Variants in ENOSF1 observed in about 807,000 individuals in gnomAD.
The protein encoded by ENOSF1 is mitochondrial enolase superfamily member 1.
ENOSF1 carries 73 observed loss-of-function variants against 68.2 expected under a neutral mutation model. That is an observed-to-expected ratio of 1.07 (90% confidence interval 0.89 to 1.30). The LOEUF (loss-of-function observed/expected upper bound fraction) is 1.30, where lower values mean the gene tolerates loss of function less well. ENOSF1 is among the 50% of genes most tolerant of loss of function. The pLI is 0.00. For missense variants in ENOSF1, 589 were observed against 554.5 expected (o/e 1.06, Z -0.62); for synonymous variants, 223 against 210.4 (o/e 1.06, Z -0.52).
intron 5 of ENOSF1, chr18:692,824 G>A (rs1429808782): frequency 1.3e-5 from 14 of 1,048,580 alleles, no homozygotes; most frequent in African/African-American, 1.7e-5. Flanking sequence ...CGGATGGCCC[G>A]GAAGCCACTC....
downstream of ENOSF1, among the ~76,000 whole-genome samples, chr18:668,313 A>C (rs1322972421): frequency 1.3e-5 from 2 of 152,222 alleles, no homozygotes; most frequent in African/African-American, 4.8e-5. Flanking sequence ...CTACTGAACC[A>C]GAATATAGTC....
chr18:688,634 A>G, intron 8 of ENOSF1, 26 bp from the exon 9 acceptor site: 1 of 1,608,286 alleles, frequency 6.2e-7, no homozygotes, highest in Non-Finnish European at 8.5e-7. Context: ...ACAGGGTCAC[A>G]CACTGGAGAG....
rs372150523 is a variant in ENOSF1 at position 676,347 on chromosome 18, T to A, written c.1149-945A>T. On this transcript the variant is annotated intron_variant, in intron 14 of 15. Transcript: ENST00000647584. The stretch of plus-strand genomic sequence containing the variant: ...GGCAGCAGGGCCTGCTGGGAGGTGA[T>A]TGGATCATGGGAAGTGGTCCTTCAT... 2.6e-4 allele frequency among the ~76,000 whole-genome samples: 39 copies of A among 152,250 alleles called. 1 individual carries two copies. In the South Asian group the frequency reaches 6.0e-3, roughly 24 times the overall value.
Position 697,425 on chromosome 18 carries a change from CACAA to C in ENOSF1, c.194-74_194-71del, listed in dbSNP as rs563869774. 372 of 1,126,706 alleles carry C rather than the reference CACAA, an allele frequency of 3.3e-4. 7 individuals carry two copies. In the South Asian group the frequency reaches 4.2e-3, roughly 13 times the overall value. 69.8% of individuals were successfully genotyped at this position (1,126,706 alleles called of 1,614,324 possible). ...TCAAGAAATTAGCACCTGAAAACAT[CACAA>C]ACAAACAAATGTGAAAGTTTTATGA... On this transcript the variant is annotated intron_variant, in intron 2 of 15. Coordinates refer to ENST00000647584, the MANE Select transcript of ENOSF1 (RefSeq NM_017512.7).
intron 2 of ENOSF1, among the ~76,000 whole-genome samples, chr18:704,623 T>TTG (rs2078736177): frequency 6.7e-6 from 1 of 149,574 alleles, no homozygotes; most frequent in African/African-American, 2.5e-5. Flanking sequence ...TTTTTTTTTT[T>TTG]GGGATGGAGT....
At position 677,371 on chromosome 18, in the gene ENOSF1, T is replaced by C. The variant is rs1470643048; in HGVS notation, c.1122A>G (p.Ile374Met). 1 of 1,613,794 alleles carries C rather than the reference T, an allele frequency of 6.2e-7. No individual in the cohort carries two copies. The highest frequency in any genetic ancestry group is 8.5e-7 in the Non-Finnish European group (1 of 1,179,944). ...TATTTTCAAGGCTTGCAGAAACTGATATGTAGTCAAATATAATCAGGTGCT... is the reference window on the plus strand; with the variant it reads ...TATTTTCAAGGCTTGCAGAAACTGACATGTAGTCAAATATAATCAGGTGCT... ...LVQHLIIFDY[I>M]SVSASLENRV... Residue 374 changes from isoleucine to methionine, a missense_variant, in exon 14 of 16, where the codon ATA (isoleucine) becomes ATG (methionine). Physicochemically the swap from Ile to Met is conservative, Grantham distance 10. Transcript: ENST00000647584.
intron 14 of ENOSF1, among the ~76,000 whole-genome samples, 189 bp downstream of exon 14, chr18:677,156 T>C (rs2075595734): frequency 6.6e-6 from 1 of 152,150 alleles, no homozygotes; most frequent in African/African-American, 2.4e-5. Context: ...CCAGACCCTA[T>C]CTTAGGAGGC....
chr18:689,790 T>C (rs947048017), intron 8 of ENOSF1, among the ~76,000 whole-genome samples: 15 of 152,176 alleles, frequency 9.9e-5, no homozygotes, highest in African/African-American at 3.6e-4. Context: ...GAGAGAGCCC[T>C]GCTGAGGTCC....
At chr18:696,336 T>C (rs1317245430) in intron 3 of ENOSF1, among the ~76,000 whole-genome samples, 4 of 151,328 alleles carry the variant, frequency 2.6e-5, no homozygotes, top group Non-Finnish European at 4.4e-5. Context: ...CTCAGCCTCC[T>C]GAGTAACTGG....
At chr18:695,150 CTCT>C (rs1346615401) in intron 3 of ENOSF1, among the ~76,000 whole-genome samples, 1 of 152,154 alleles carries the variant, frequency 6.6e-6, no homozygotes, top group Non-Finnish European at 1.5e-5. Context: ...CCTCTTTAGT[CTCT>C]TTTTACCTGG....
At chr18:668,149 G>A (rs148235072), downstream of ENOSF1, among the ~76,000 whole-genome samples, 24 of 152,100 alleles carry the variant, frequency 1.6e-4, no homozygotes, top group East Asian at 3.3e-3. Flanking sequence ...ACTTGTGTAT[G>A]TGTGTATTTG....
chr18:704,301 T>C (rs982240104), intron 2 of ENOSF1, among the ~76,000 whole-genome samples: 8 of 151,740 alleles, frequency 5.3e-5, no homozygotes, highest in African/African-American at 1.9e-4. Flanking sequence ...TGGTGGTGTG[T>C]GCCTGTAATC....
chr18:682,072 C>G (rs2076132100), intron 11 of ENOSF1, among the ~76,000 whole-genome samples: 1 of 152,152 alleles, frequency 6.6e-6, no homozygotes, highest in Non-Finnish European at 1.5e-5. Context: ...GAGTGTATAG[C>G]TATGCAAAGT....
chr18:673,063 A>C lies in ENOSF1; in HGVS notation c.*1242T>G. 6 of 1,434,354 alleles carry C rather than the reference A, an allele frequency of 4.2e-6. No individual in the cohort carries two copies. The highest frequency in any genetic ancestry group is 5.6e-6 in the Non-Finnish European group (6 of 1,076,706). 88.9% of individuals were successfully genotyped at this position (1,434,354 alleles called of 1,614,324 possible). On this transcript the variant is annotated 3_prime_UTR_variant, in exon 16 of 16. Transcript: ENST00000647584. ...GGGGTTGGGCTGGATGCCGAGGTAA[A>C]AGTTCTTTTTGCTCTAAAAGAAAAA...
chr18:693,890 C>A lies in ENOSF1; in HGVS notation c.415G>T (p.Val139Leu). Residue 139 changes from valine to leucine, a missense_variant, in exon 5 of 16, where the codon GTG (valine) becomes TTG (leucine). Transcript: ENST00000647584. Reference protein sequence around the residue: ...QEGKPVWKLLVDMDPRMLVSC... With the variant: ...QEGKPVWKLLLDMDPRMLVSC... ...TTAACAATGCTACTCACCATGTCCA[C>A]AAGTAACTTCCAGACAGGCTTGAAG... is the stretch of plus-strand genomic sequence containing the variant. The A allele has an allele frequency of 6.2e-7, 1 of 1,614,052 alleles. No individual in the cohort carries two copies.
downstream of ENOSF1, chr18:667,597 ATGGTGATGGTGATGGAGATGGGTGATGG>A (rs1598470361): frequency 1.9e-5 from 2 of 104,012 alleles, no homozygotes; most frequent in East Asian, 3.9e-4. Context: ...GGTGATGGTG[ATGGTGATGGTGATGGAGATGGGTGATGG>A]TGATGGTTGC....
intron 5 of ENOSF1, chr18:693,249 C>T: frequency 7.8e-7 from 1 of 1,288,866 alleles, no homozygotes; most frequent in Non-Finnish European, 1.0e-6. Flanking sequence ...AGCTCCTTCC[C>T]TGCTGGAATT....
chr18:674,067 C>G lies in ENOSF1; in HGVS notation c.*238G>C, dbSNP rs1020706025. On this transcript the variant is annotated 3_prime_UTR_variant, in exon 16 of 16. Coordinates refer to ENST00000647584, the MANE Select transcript of ENOSF1 (RefSeq NM_017512.7). ...GATATAGCTATTTTTGTAAGAACAT[C>G]CTCCTGGACTTTGGGTTAGTTAAAT... 1 of 355,456 alleles carries G rather than the reference C, an allele frequency of 2.8e-6. No individual in the cohort carries two copies. The highest frequency in any genetic ancestry group is 5.1e-6 in the Non-Finnish European group (1 of 197,794). The allele number at this position is 355,456 out of a possible 1,614,324, so 22.0% of individuals were successfully genotyped here. A position where few individuals can be genotyped will look rare whatever the true frequency, so the allele number is the denominator to read the frequency against.
At chr18:688,896 T>C (rs922888536) in intron 8 of ENOSF1, among the ~76,000 whole-genome samples, 13 of 152,140 alleles carry the variant, frequency 8.5e-5, no homozygotes, top group African/African-American at 1.9e-4. Context: ...GCTAGAATAT[T>C]CTGTGGCATC....
Sources: gnomAD v4.1 joint callset for allele counts (sites outside exome capture counted in the v4.1 genomes callset) on GRCh38, gnomAD v4.1.1 for gene constraint, MANE v1.5 for transcripts, NCBI Gene and HGNC (gene_info 2026-07-23, HGNC 2026-07-21) for gene names.